FMNL3: variants seen among roughly 807,000 people sequenced by gnomAD.
FMNL3 encodes formin-like protein 3.
In FMNL3, 57 loss-of-function variants were observed where a neutral mutation model predicts 119.6. The ratio of observed to expected loss-of-function variants is 0.48; its 90% CI spans 0.39 to 0.59. FMNL3 has a LOEUF of 0.59. Among genes scored for constraint, FMNL3 ranks in the 20% least tolerant of loss-of-function variants. The pLI, the probability that FMNL3 is intolerant of heterozygous loss-of-function variation, is 0.00. For missense variants in FMNL3, 1,053 were observed against 1,323.5 expected, an observed-to-expected ratio of 0.80 and a Z score of 3.17; for synonymous variants, 491 against 507.3, an observed-to-expected ratio of 0.97 and a Z score of 0.43.
rs565115122 is a variant in FMNL3, at chr12:49,655,012, G to A, written c.886-28C>T. 50 of 1,609,840 alleles carry A rather than the reference G, an allele frequency of 3.1e-5. 1 individual carries two copies. In the South Asian group the frequency reaches 5.2e-4, roughly 17 times the overall value. Reference sequence around the variant, plus strand: ...GAATGAGCAAACTTTCTCAGTGAAAGGATCTGCTCCATGCAGAACCCAAGC... The same window carrying A: ...GAATGAGCAAACTTTCTCAGTGAAAAGATCTGCTCCATGCAGAACCCAAGC... On this transcript the variant is annotated intron_variant, in intron 9 of 25. Transcript: ENST00000335154.
intron 1 of FMNL3, among the ~76,000 whole-genome samples, chr12:49,697,611 C>T (rs1465653232): frequency 6.6e-6 from 1 of 152,152 alleles, no homozygotes; most frequent in Non-Finnish European, 1.5e-5. Flanking sequence ...AAAACTCCCT[C>T]CTGGGACAAT....
chr12:49,656,726 G>A, intron 8 of FMNL3, 97 bp downstream of exon 8: 1 of 1,217,408 alleles, frequency 8.2e-7, no homozygotes, highest in Non-Finnish European at 1.2e-6. Context: ...CTCTTGACAG[G>A]ACTCCAAGGC....
Position 49,650,770 on chromosome 12 carries a change from C to T in FMNL3, c.1906G>A (p.Val636Met), listed in dbSNP as rs752122883. Residue 636 changes from valine to methionine, a missense_variant, in exon 17 of 26, where the codon GTG (valine) becomes ATG (methionine). By Grantham distance (21) the Val-to-Met change is conservative (BLOSUM62 1). Around this residue, in one of 4 missense-constraint regions of FMNL3, gnomAD observed 445 missense variants for 628.4 expected, o/e 0.71. Transcript: ENST00000335154. The stretch of plus-strand genomic sequence containing the variant: ...GCACGATTGGCTTCCAACAGAGTCA[C>T]CTTGCTGGCAGCTTTTTGCGCTGTC... Reference protein sequence around the residue: ...NKTAQKAASKVTLLEANRAKN... With the variant: ...NKTAQKAASKMTLLEANRAKN... The T allele has an allele frequency of 1.2e-6, 2 of 1,614,212 alleles. No homozygotes were observed. Among genetic ancestry groups the T allele is most frequent in the Non-Finnish European group, 1.7e-6 (2 of 1,180,038 alleles).
At chr12:49,697,466 G>C (rs187447445) in intron 1 of FMNL3, among the ~76,000 whole-genome samples, 1 of 152,132 alleles carries the variant, frequency 6.6e-6, no homozygotes, top group Non-Finnish European at 1.5e-5. Flanking sequence ...ATTTTGGGCA[G>C]GATCCTTCTT....
Position 49,645,238 on chromosome 12 carries a change from A to G in FMNL3, c.*577T>C, listed in dbSNP as rs1943132223. The G allele has an allele frequency of 6.6e-6, 1 of 152,142 alleles. No individual in the cohort carries two copies. The highest frequency in any genetic ancestry group is 2.4e-5 in the African/African-American group (1 of 41,362). 9.4% of individuals were successfully genotyped at this position (152,142 alleles called of 1,614,324 possible). A position where few individuals can be genotyped will look rare whatever the true frequency, so the allele number is the denominator to read the frequency against. On this transcript the variant is annotated 3_prime_UTR_variant, in exon 26 of 26. Transcript: ENST00000335154. ...TGCTCTTCTGCCCACCTTGACAAGGACAGTGTGAGCCTAGAATGAAATGGG... is the reference window on the plus strand; with the variant it reads ...TGCTCTTCTGCCCACCTTGACAAGGGCAGTGTGAGCCTAGAATGAAATGGG...
intron 10 of FMNL3, 91 bp from the exon 11 acceptor site, chr12:49,654,393 A>G (rs1243117144): frequency 1.1e-6 from 1 of 950,596 alleles, no homozygotes; most frequent in Non-Finnish European, 1.7e-6. Context: ...GAATATCATC[A>G]TCATGTGGAT....
At position 49,642,551 on chromosome 12, in the gene FMNL3, T is replaced by C. The variant is rs1942815783; in HGVS notation, c.*3264A>G. 1 of 1,611,972 alleles carries C rather than the reference T, an allele frequency of 6.2e-7. No individual in the cohort carries two copies. The highest frequency in any genetic ancestry group is 8.5e-7 in the Non-Finnish European group (1 of 1,178,084). On this transcript the variant is annotated 3_prime_UTR_variant, in exon 26 of 26. Transcript: ENST00000335154. This position sits in a 1 kb window ranked among gnomAD's most constrained non-coding sequence, Gnocchi z 5.8. Reference sequence around the variant, plus strand: ...CCAGGCCAGGCTGAGTGGGGCCTAGTCTGATCAGCAGTGCTCTCCTCGTTC... The same window carrying C: ...CCAGGCCAGGCTGAGTGGGGCCTAGCCTGATCAGCAGTGCTCTCCTCGTTC...
chr12:49,707,040 G>GGGCTC lies in FMNL3; in HGVS notation c.126+10_126+14dup. ...GGGGCGGTACGCGGGGGAAGGGGCT[G>GGGCTC]GGCTCAGCTCTCACCAGCACCAGGG... On this transcript the variant is annotated intron_variant, in intron 1 of 25. Coordinates refer to ENST00000335154, the MANE Select transcript of FMNL3 (RefSeq NM_175736.5). 1 of 1,569,008 alleles carries GGGCTC rather than the reference G, an allele frequency of 6.4e-7. No individual in the cohort carries two copies. Among genetic ancestry groups the GGGCTC allele is most frequent in the Non-Finnish European group, 8.6e-7 (1 of 1,157,444 alleles).
At position 49,643,086 on chromosome 12, in the gene FMNL3, C is replaced by A; in HGVS notation, c.*2729G>T. 1.9e-6 allele frequency: 3 copies of A among 1,593,650 alleles called. No individual in the cohort carries two copies. The South Asian group carries it at 3.3e-5, about 18-fold the overall frequency. Reference sequence around the variant, plus strand: ...TTGGGGAAATAAACACTTTGTTTTCCCCTTACAATATCTCCCTTGGAGGGA... The same window carrying A: ...TTGGGGAAATAAACACTTTGTTTTCACCTTACAATATCTCCCTTGGAGGGA... On this transcript the variant is annotated 3_prime_UTR_variant, in exon 26 of 26. Coordinates refer to ENST00000335154, the MANE Select transcript of FMNL3 (RefSeq NM_175736.5).
chr12:49,683,884 C>T (rs1183414441), intron 1 of FMNL3, among the ~76,000 whole-genome samples: 1 of 152,164 alleles, frequency 6.6e-6, no homozygotes, highest in Admixed American at 6.5e-5. Context: ...AATTTAATGC[C>T]TCTGCTCATG....
In FMNL3 at chr12:49,641,740, G is replaced by A; in HGVS notation, c.*4075C>T. 1 of 606,548 alleles carries A rather than the reference G, an allele frequency of 1.6e-6. No individual in the cohort carries two copies. The highest frequency in any genetic ancestry group is 2.9e-5 in the Admixed American group (1 of 35,038). The allele number at this position is 606,548 out of a possible 1,614,324, so 37.6% of individuals were successfully genotyped here. A position where few individuals can be genotyped will look rare whatever the true frequency, so the allele number is the denominator to read the frequency against. On this transcript the variant is annotated 3_prime_UTR_variant, in exon 26 of 26. Coordinates refer to ENST00000335154, the MANE Select transcript of FMNL3 (RefSeq NM_175736.5). Reference sequence around the variant, plus strand: ...CAAGGGTAGGCATGGGGGCTTAATTGTCAAGTGATGAGGACTTGGATAACT... The same window carrying A: ...CAAGGGTAGGCATGGGGGCTTAATTATCAAGTGATGAGGACTTGGATAACT...
In FMNL3 at chr12:49,651,159, C is replaced by T; in HGVS notation, c.1797+9G>A. On this transcript the variant is annotated intron_variant, in intron 16 of 25. Transcript: ENST00000335154. ...CAACCTTAGCCCTCTGGACCCCAGG[C>T]CCTGTTACCTCCAAGATCTTCTCAT... 6.2e-7 allele frequency: 1 copy of T among 1,611,970 alleles called. No homozygotes were observed.
Position 49,653,251 on chromosome 12 carries a change from C to A in FMNL3, c.1298G>T (p.Arg433Leu), listed in dbSNP as rs768626175. 6.2e-7 allele frequency: 1 copy of A among 1,614,088 alleles called. No individual in the cohort carries two copies. The highest frequency in any genetic ancestry group is 2.2e-5 in the East Asian group (1 of 44,886). ...VAELEKQLLQ[R>L]EKELESIKET... ...CTTGATGCTCTCTAGTTCCTTCTCCCGCTGTAGCAGCTGCTTCTCTAGTTC... is the reference window on the plus strand; with the variant it reads ...CTTGATGCTCTCTAGTTCCTTCTCCAGCTGTAGCAGCTGCTTCTCTAGTTC... Residue 433 changes from arginine to leucine, a missense_variant, in exon 13 of 26, where the codon CGG becomes CTG. This residue lies in a region of FMNL3 where 445 missense variants were observed against 628.4 expected (regional missense o/e 0.71). Coordinates refer to ENST00000335154, the MANE Select transcript of FMNL3 (RefSeq NM_175736.5).
intron 1 of FMNL3, among the ~76,000 whole-genome samples, chr12:49,671,717 C>T (rs896873957): frequency 1.3e-5 from 2 of 152,216 alleles, no homozygotes; most frequent in African/African-American, 4.8e-5. Flanking sequence ...GCAAATTTGA[C>T]ACAGTTCCGG....
rs1942096636 is a variant in FMNL3, at chr12:49,638,122, G to T, written c.*7693C>A. 1 of 361,940 alleles carries T rather than the reference G, an allele frequency of 2.8e-6. No homozygotes were observed. Among genetic ancestry groups the T allele is most frequent in the Admixed American group, 4.3e-5 (1 of 23,246 alleles). The allele number at this position is 361,940 out of a possible 1,614,324, so 22.4% of individuals were successfully genotyped here. A position where few individuals can be genotyped will look rare whatever the true frequency, so the allele number is the denominator to read the frequency against. The stretch of plus-strand genomic sequence containing the variant: ...ACTGTGCATTTAGAAATTTGTAGGT[G>T]GAAGAGGTTGGAGTGTACACGGGGT... On this transcript the variant is annotated 3_prime_UTR_variant, in exon 26 of 26. Transcript: ENST00000335154.
chr12:49,654,879 G>GT (rs1943523690), intron 10 of FMNL3, 31 bp downstream of exon 10: 1 of 1,606,546 alleles, frequency 6.2e-7, no homozygotes, highest in Non-Finnish European at 8.5e-7. Flanking sequence ...GCCCTGGTGG[G>GT]TATGTGCTGG....
chr12:49,665,280 G>A (rs1421265030), intron 4 of FMNL3, among the ~76,000 whole-genome samples: 1 of 151,636 alleles, frequency 6.6e-6, no homozygotes, highest in Non-Finnish European at 1.5e-5. Context: ...CAATGTGTTG[G>A]GGACACCAGG....
At chr12:49,653,034 C>T (rs1943454704) in intron 13 of FMNL3, among the ~76,000 whole-genome samples, 192 bp downstream of exon 13, 3 of 152,154 alleles carry the variant, frequency 2.0e-5, no homozygotes, top group African/African-American at 7.2e-5. Flanking sequence ...GTCTGGCTCA[C>T]ACTGGCCCCA....
At chr12:49,684,363 T>C (rs920490902) in intron 1 of FMNL3, among the ~76,000 whole-genome samples, 4 of 152,200 alleles carry the variant, frequency 2.6e-5, no homozygotes, top group African/African-American at 9.6e-5. Context: ...CTCTGCCCTC[T>C]TGCCTCCAAG....
Sources: allele counts gnomAD v4.1 joint callset (sites outside exome capture counted in the v4.1 genomes callset), GRCh38; gene constraint gnomAD v4.1.1; regional missense constraint gnomAD v4.1.1; non-coding constraint Gnocchi (gnomAD v3.1); transcripts MANE v1.5; gene names NCBI Gene and HGNC (gene_info 2026-07-23, HGNC 2026-07-21).